The following P2RX7 variants were observed in gnomAD, a reference collection of about 807,000 sequenced individuals.
P2RX7 encodes the protein purinergic receptor P2X 7.
In P2RX7, 62 loss-of-function variants were observed where a neutral mutation model predicts 71.6. The ratio of observed to expected loss-of-function variants is 0.87; its 90% CI spans 0.71 to 1.07. The LOEUF is 1.07. Ranked by LOEUF, P2RX7 falls within the 50% of genes least tolerant of loss-of-function variation. The probability of loss-of-function intolerance (pLI) is 0.00; values close to 1 mark genes in which losing one functional copy is unlikely to be tolerated. For missense variants in P2RX7, 686 were observed against 748.5 expected (o/e 0.92, Z 0.97); for synonymous variants, 299 against 283.3 (o/e 1.06, Z -0.56).
intron 1 of P2RX7, among the ~76,000 whole-genome samples, chr12:121,153,065 A>G (rs949161173): frequency 2.0e-5 from 3 of 152,198 alleles, no homozygotes; most frequent in Non-Finnish European, 4.4e-5. Context: ...TCAGGAGCCT[A>G]CTACTGGTTC....
At chr12:121,160,326 T>C (rs1879415473) in intron 3 of P2RX7, among the ~76,000 whole-genome samples, 1 of 152,174 alleles carries the variant, frequency 6.6e-6, no homozygotes, top group African/African-American at 2.4e-5. Flanking sequence ...TTTGTATTTT[T>C]AGTAGAGACG....
At position 121,133,016 on chromosome 12, in the gene P2RX7, AACAAAGTC is replaced by A. The variant is rs1374014703; in HGVS notation, c.49_56del (p.Lys17SerfsTer11). The A allele has an allele frequency of 6.2e-7, 1 of 1,614,054 alleles. No individual in the cohort carries two copies. The highest frequency in any genetic ancestry group is 2.2e-5 in the East Asian group (1 of 44,864). ...CAGTGATGTTTTCCAGTATGAGACG[AACAAAGTC>A]ACTCGGATCCAGAGCATGAATTATG... On this transcript the variant is annotated frameshift_variant, in exon 1 of 13. Coordinates refer to ENST00000328963, the MANE Select transcript of P2RX7 (RefSeq NM_002562.6). LOFTEE classifies it high-confidence loss of function.
chr12:121,180,147 C>CAAAAAA (rs60397642), intron 11 of P2RX7, among the ~76,000 whole-genome samples: 7 of 64,590 alleles, frequency 1.1e-4, no homozygotes, highest in Non-Finnish European at 2.1e-4. Context: ...AACTCCAACT[C>CAAAAAA]AAAAAAAAAA....
At chr12:121,151,290 C>T (rs1309085571) in intron 1 of P2RX7, among the ~76,000 whole-genome samples, 1 of 151,932 alleles carries the variant, frequency 6.6e-6, no homozygotes, top group African/African-American at 2.4e-5. Flanking sequence ...CTCTATCACC[C>T]AGGCTGGAGT....
intron 1 of P2RX7, among the ~76,000 whole-genome samples, chr12:121,141,418 A>G (rs1305919389): frequency 6.6e-6 from 1 of 152,142 alleles, no homozygotes; most frequent in African/African-American, 2.4e-5. Context: ...TGTTGGGAAG[A>G]GGAAGGAGCA....
At chr12:121,167,355 C>T in intron 7 of P2RX7, 133 bp from the exon 8 acceptor site, 4 of 944,314 alleles carry the variant, frequency 4.2e-6, no homozygotes, top group Middle Eastern at 3.4e-4. Context: ...TTAGGTGGGG[C>T]TGTACATATG....
intron 8 of P2RX7, among the ~76,000 whole-genome samples, chr12:121,168,150 C>T (rs574567895): frequency 2.0e-5 from 3 of 151,958 alleles, no homozygotes; most frequent in Admixed American, 6.6e-5. Context: ...TGGTATTCTG[C>T]GGGGTTTTTC....
At chr12:121,134,337 C>A (rs900355597) in intron 1 of P2RX7, among the ~76,000 whole-genome samples, 6 of 152,188 alleles carry the variant, frequency 3.9e-5, no homozygotes, top group Non-Finnish European at 5.9e-5. Flanking sequence ...GATCCAATTT[C>A]TCCACATCCT....
intron 1 of P2RX7, among the ~76,000 whole-genome samples, chr12:121,136,558 G>C (rs562769210): frequency 2.6e-5 from 4 of 152,008 alleles, no homozygotes; most frequent in African/African-American, 9.6e-5. Context: ...CTGGACTCAA[G>C]TGATCCTCCT....
intron 1 of P2RX7, among the ~76,000 whole-genome samples, chr12:121,153,123 T>C (rs761905512): frequency 2.0e-5 from 3 of 152,164 alleles, no homozygotes; most frequent in Non-Finnish European, 4.4e-5. Context: ...TAAAAAAATA[T>C]GTGGGTATCT....
chr12:121,157,498 C>T (rs1022972092), intron 3 of P2RX7, among the ~76,000 whole-genome samples: 3 of 152,188 alleles, frequency 2.0e-5, no homozygotes, highest in Admixed American at 6.5e-5. Context: ...TCTCTGACAG[C>T]CAGGCCAGCC....
chr12:121,161,654 T>G (rs1879741403), intron 4 of P2RX7, among the ~76,000 whole-genome samples: 1 of 151,850 alleles, frequency 6.6e-6, no homozygotes, highest in Non-Finnish European at 1.5e-5. Flanking sequence ...CAGCCAGACA[T>G]GGTGGCACAC....
chr12:121,177,547 T>C, intron 11 of P2RX7, 101 bp downstream of exon 11: 1 of 1,156,474 alleles, frequency 8.6e-7, no homozygotes, highest in South Asian at 1.3e-5. Flanking sequence ...CTTCATCCTG[T>C]AGTGGATACG....
intron 3 of P2RX7, 73 bp downstream of exon 3, chr12:121,156,220 A>G: frequency 8.2e-7 from 1 of 1,215,706 alleles, no homozygotes; most frequent in South Asian, 1.2e-5. Context: ...GAAGAAGCAG[A>G]AATGCGGACC....
intron 1 of P2RX7, among the ~76,000 whole-genome samples, chr12:121,138,159 C>CATGTAACT (rs1184270199): frequency 1.3e-5 from 2 of 152,200 alleles, no homozygotes; most frequent in African/African-American, 4.8e-5. Context: ...TTTATTGGAT[C>CATGTAACT]ATGTAACTGG....
rs994429201 is a variant in P2RX7, at chr12:121,167,690, T to C, written c.881+66T>C. 2.9e-6 allele frequency: 4 copies of C among 1,392,272 alleles called. No homozygotes were observed. In the Admixed American group the frequency reaches 1.1e-4, roughly 38 times the overall value. 86.2% of individuals were successfully genotyped at this position (1,392,272 alleles called of 1,614,324 possible). A position where few individuals can be genotyped will look rare whatever the true frequency, so the allele number is the denominator to read the frequency against. On this transcript the variant is annotated intron_variant, in intron 8 of 12. Coordinates refer to ENST00000328963, the MANE Select transcript of P2RX7 (RefSeq NM_002562.6). ...TCGCATTCCCAGGAACTGGTGAGAC[T>C]AATTTTGGTTTCCAAGGCAACAAGA...
chr12:121,186,368 G>A lies in P2RX7; in HGVS notation c.*1566G>A, dbSNP rs1003312554. The A allele has an allele frequency of 6.6e-6, 1 of 152,228 alleles. No individual in the cohort carries two copies. The highest frequency in any genetic ancestry group is 1.5e-5 in the Non-Finnish European group (1 of 68,058). 9.4% of individuals were successfully genotyped at this position (152,228 alleles called of 1,614,324 possible). On this transcript the variant is annotated 3_prime_UTR_variant, in exon 13 of 13. Transcript: ENST00000328963. ...AACTGGAACAGAGGGCAAGCCTGAT[G>A]AATGGGCACACAGACTCAGCCCATA... is the stretch of plus-strand genomic sequence containing the variant.
At chr12:121,159,865 G>C (rs1405420284) in intron 3 of P2RX7, among the ~76,000 whole-genome samples, 5 of 152,126 alleles carry the variant, frequency 3.3e-5, no homozygotes, top group Non-Finnish European at 7.3e-5. Flanking sequence ...CAGCCACAGG[G>C]CCACTTGGAC....
rs1007325150 is a variant in P2RX7, at chr12:121,154,242, A to T, written c.126-543A>T. 2.6e-5 allele frequency among the ~76,000 whole-genome samples: 4 copies of T among 152,054 alleles called. No individual in the cohort carries two copies. The highest frequency in any genetic ancestry group is 9.6e-5 in the African/African-American group (4 of 41,474). ...GAGGTGGAAGTTGCAGTGAGCCAAG[A>T]TCGCACCATTGCACTCCAGTCTGGG... On this transcript the variant is annotated intron_variant, in intron 1 of 12. Transcript: ENST00000328963. This position sits in a 1 kb window ranked among gnomAD's most constrained non-coding sequence, Gnocchi z 4.2.
Sources: allele counts gnomAD v4.1 joint callset (sites outside exome capture counted in the v4.1 genomes callset), GRCh38; gene constraint gnomAD v4.1.1; non-coding constraint Gnocchi (gnomAD v3.1); transcripts MANE v1.5; gene names NCBI Gene and HGNC (gene_info 2026-07-23, HGNC 2026-07-21).